L3MBTL4: variants seen among roughly 807,000 people sequenced by gnomAD.
L3MBTL4 encodes the protein lethal(3)malignant brain tumor-like protein 4.
L3MBTL4 carries 70 observed loss-of-function variants against 84.5 expected under a neutral mutation model. The observed-to-expected ratio is 0.83, with a 90% CI of 0.68 to 1.01. The LOEUF is 1.01. L3MBTL4 is among the 50% of genes least tolerant of loss of function. The pLI, the probability that L3MBTL4 is intolerant of heterozygous loss-of-function variation, is 0.00. For synonymous variants in L3MBTL4, 274 were observed against 259.8 expected (o/e 1.05, Z -0.52); for missense variants, 715 against 754.8 (o/e 0.95, Z 0.62).
chr18:6,012,638 AAC>A lies in L3MBTL4; in HGVS notation c.1445-43078_1445-43077del, dbSNP rs548594035. 1.2e-3 allele frequency among the ~76,000 whole-genome samples: 178 copies of A among 151,554 alleles called. 2 individuals are homozygous for A. The highest frequency in any genetic ancestry group is 8.0e-3 in the Admixed American group (121 of 15,146). ...CTGGGAGTTCAAGACCAGCCTGGGC[AAC>A]ATAGTGAGACCTTGTCTCTACAAAA... On this transcript the variant is annotated intron_variant, in intron 16 of 18. Coordinates refer to ENST00000317931, the MANE Select transcript of L3MBTL4 (RefSeq NM_001330559.2).
intron 16 of L3MBTL4, among the ~76,000 whole-genome samples, chr18:6,005,136 G>C (rs1034617481): frequency 6.7e-6 from 1 of 150,134 alleles, no homozygotes; most frequent in East Asian, 2.0e-4. Context: ...TTGAAGTCAG[G>C]GGTTTGACAC....
intron 16 of L3MBTL4, among the ~76,000 whole-genome samples, chr18:6,018,869 G>A (rs1440594013): frequency 1.3e-5 from 2 of 152,168 alleles, no homozygotes; most frequent in Admixed American, 6.5e-5. Flanking sequence ...CTGAGGCTAC[G>A]CAAGTTAATT....
At chr18:6,310,996 A>G (rs1427492888) in intron 3 of L3MBTL4, among the ~76,000 whole-genome samples, 1 of 152,138 alleles carries the variant, frequency 6.6e-6, no homozygotes. Context: ...CTGCAGACTG[A>G]CCTGGACTCA....
chr18:6,266,504 A>G (rs2048639039), intron 4 of L3MBTL4, among the ~76,000 whole-genome samples: 1 of 152,224 alleles, frequency 6.6e-6, no homozygotes, highest in African/African-American at 2.4e-5. Flanking sequence ...ACCAGAGATG[A>G]CAGGAGGTAA....
chr18:6,116,331 C>T (rs536937661), intron 14 of L3MBTL4, among the ~76,000 whole-genome samples: 3 of 147,474 alleles, frequency 2.0e-5, no homozygotes, highest in East Asian at 2.0e-4. Flanking sequence ...CTCTAGGATG[C>T]GTTACATTGT....
intron 14 of L3MBTL4, among the ~76,000 whole-genome samples, chr18:6,120,205 A>G (rs73380080): frequency 0.013 from 2,041 of 152,308 alleles, 52 homozygotes; most frequent in African/African-American, 0.046. Flanking sequence ...CGGTCCTCCC[A>G]GGTCAGTCTC....
chr18:6,377,746 A>G (rs1322741487), intron 1 of L3MBTL4, among the ~76,000 whole-genome samples: 1 of 152,222 alleles, frequency 6.6e-6, no homozygotes, highest in Non-Finnish European at 1.5e-5. Context: ...GGTTGGTTCC[A>G]AGTCTTTGCT....
At chr18:6,175,267 A>G (rs1378902711) in intron 12 of L3MBTL4, among the ~76,000 whole-genome samples, 1 of 152,224 alleles carries the variant, frequency 6.6e-6, no homozygotes, top group African/African-American at 2.4e-5. Flanking sequence ...CAAGAAGATA[A>G]TAAAATGACA....
intron 12 of L3MBTL4, among the ~76,000 whole-genome samples, chr18:6,185,141 A>G (rs2044661476): frequency 6.6e-6 from 1 of 152,236 alleles, no homozygotes; most frequent in Admixed American, 6.5e-5. Flanking sequence ...CAAAACGTCC[A>G]GCAGACAAAT....
intron 10 of L3MBTL4, among the ~76,000 whole-genome samples, chr18:6,225,413 A>G (rs1245747932): frequency 1.3e-5 from 2 of 152,246 alleles, no homozygotes; most frequent in African/African-American, 2.4e-5. Flanking sequence ...GCTCCCTTCC[A>G]GAGCACCAAA....
chr18:5,971,452 A>G (rs954837364), intron 16 of L3MBTL4, among the ~76,000 whole-genome samples: 4 of 152,214 alleles, frequency 2.6e-5, no homozygotes, highest in African/African-American at 7.2e-5. Context: ...AACTCAACAT[A>G]TATGTATCTC....
At chr18:6,084,244 A>G (rs1568090169) in intron 15 of L3MBTL4, among the ~76,000 whole-genome samples, 1 of 152,320 alleles carries the variant, frequency 6.6e-6, no homozygotes, top group African/African-American at 2.4e-5. Context: ...TTTTGTAAAC[A>G]AAGTTTCACT....
intron 1 of L3MBTL4, among the ~76,000 whole-genome samples, chr18:6,360,562 G>C (rs1458341945): frequency 6.6e-6 from 1 of 152,148 alleles, no homozygotes; most frequent in African/African-American, 2.4e-5. Flanking sequence ...AGAGATCAAA[G>C]GTTGAGCAGG....
chr18:6,028,366 G>C (rs1042091661), intron 16 of L3MBTL4, among the ~76,000 whole-genome samples: 2 of 152,168 alleles, frequency 1.3e-5, no homozygotes, highest in Non-Finnish European at 2.9e-5. Flanking sequence ...TGTTATTTCT[G>C]AGGTCTCTGC....
At chr18:6,014,150 G>A (rs2054856923) in intron 16 of L3MBTL4, among the ~76,000 whole-genome samples, 1 of 152,170 alleles carries the variant, frequency 6.6e-6, no homozygotes, top group African/African-American at 2.4e-5. Flanking sequence ...TGGGGCTGTT[G>A]TTGGGACAAA....
At chr18:5,958,171 A>T (rs34928556) in intron 18 of L3MBTL4, among the ~76,000 whole-genome samples, 50,284 of 139,868 alleles carry the variant, frequency 0.36, 9,530 homozygotes, top group East Asian at 0.48. Context: ...AAGAAGAAGA[A>T]GAAGACGACG....
chr18:6,084,749 G>A (rs2058202641), intron 15 of L3MBTL4, among the ~76,000 whole-genome samples: 2 of 152,218 alleles, frequency 1.3e-5, no homozygotes, highest in South Asian at 2.1e-4. Flanking sequence ...GACAGAGGAT[G>A]TGCTATTGGA....
chr18:6,228,903 T>G (rs1432919914), intron 10 of L3MBTL4, among the ~76,000 whole-genome samples: 1 of 152,126 alleles, frequency 6.6e-6, no homozygotes, highest in African/African-American at 2.4e-5. Context: ...GGGAAAATAT[T>G]TTTAATCTGA....
intron 1 of L3MBTL4, among the ~76,000 whole-genome samples, chr18:6,332,222 G>A (rs1486891599): frequency 6.6e-6 from 1 of 152,166 alleles, no homozygotes; most frequent in East Asian, 1.9e-4. Context: ...CTGAGGTAAG[G>A]ATCTACTTTG....
Sources: allele counts gnomAD v4.1 joint callset (sites outside exome capture counted in the v4.1 genomes callset), GRCh38; gene constraint gnomAD v4.1.1; transcripts MANE v1.5; gene names NCBI Gene and HGNC (gene_info 2026-07-23, HGNC 2026-07-21).